The following DOK4 variants were observed in gnomAD, a reference collection of about 807,000 sequenced individuals.
DOK4 encodes downstream of tyrosine kinase 4.
In DOK4, 26 loss-of-function variants were observed where a neutral mutation model predicts 40.1. The ratio of observed to expected loss-of-function variants is 0.65; its 90% CI spans 0.48 to 0.90. The LOEUF (loss-of-function observed/expected upper bound fraction) is 0.90. DOK4 is among the 40% of genes least tolerant of loss of function. The pLI, the probability that DOK4 is intolerant of heterozygous loss-of-function variation, is 0.00. For missense variants in DOK4, 392 were observed against 437.2 expected (o/e 0.90, Z 0.92); for synonymous variants, 179 against 177.0 (o/e 1.01, Z -0.09).
chr16:57,472,222 C>CA (rs1567585504), exon 9 of DOK4: 1 of 152,362 alleles, frequency 6.6e-6, no homozygotes, highest in Non-Finnish European at 1.5e-5. Context: ...TGCCACAACT[C>CA]AAATAGTGGT....
chr16:57,484,377 C>CCCCCA (rs2031491720), intron 1 of DOK4: 1 of 152,494 alleles, frequency 6.6e-6, no homozygotes, highest in African/African-American at 2.4e-5. Context: ...TGCTGCTCTG[C>CCCCCA]CCCCACCCCA....
exon 3 of DOK4, chr16:57,475,884 T>A: frequency 1.9e-6 from 3 of 1,613,218 alleles, no homozygotes; most frequent in Non-Finnish European, 2.5e-6. Context: ...CGACTTCTCA[T>A]CTGGATACTT....
At chr16:57,478,366 C>T (rs2031276120) in intron 2 of DOK4, among the ~76,000 whole-genome samples, 1 of 59,670 alleles carries the variant, frequency 1.7e-5, no homozygotes, top group South Asian at 3.9e-4. Flanking sequence ...TCCGCATGCC[C>T]CCCAACCCCA....
Position 57,479,376 on chromosome 16 carries a change from G to C in DOK4, c.66+66C>G. On this transcript the variant is annotated intron_variant, in intron 2 of 8. Coordinates refer to ENST00000340099, the Ensembl canonical transcript of DOK4. This position sits in a 1 kb window ranked among gnomAD's most constrained non-coding sequence, Gnocchi z 5.8. Reference sequence around the variant, plus strand: ...CGTGCCCCACGCGCCATGCCTCCAAGCCTGGGACCGAGTCCTCGGGCCCCC... The same window carrying C: ...CGTGCCCCACGCGCCATGCCTCCAACCCTGGGACCGAGTCCTCGGGCCCCC... 6.3e-7 allele frequency: 1 copy of C among 1,582,276 alleles called. No individual in the cohort carries two copies. Among genetic ancestry groups the C allele is most frequent in the Non-Finnish European group, 8.6e-7 (1 of 1,157,702 alleles).
At chr16:57,476,692 T>C (rs923103206) in intron 2 of DOK4, among the ~76,000 whole-genome samples, 12 of 152,214 alleles carry the variant, frequency 7.9e-5, no homozygotes, top group Admixed American at 7.2e-4. Flanking sequence ...CCAAAGCTGT[T>C]TGAGGTAAAG....
Position 57,473,665 on chromosome 16 carries a change from G to C in DOK4, c.810C>G (p.Tyr270Ter). Residue 270 changes from tyrosine (Y) to a stop codon, truncating the protein, a stop_gained, in exon 8 of 9, where the codon TAC becomes TAG. Coordinates refer to ENST00000340099, the Ensembl canonical transcript of DOK4. LOFTEE classifies it high-confidence loss of function. Reference sequence around the variant, plus strand: ...TCTGGGAACCAGTGATGTGGTGCCAGTAGGCACTGCGCGGCAGCATGGTCG... The same window carrying C: ...TCTGGGAACCAGTGATGTGGTGCCACTAGGCACTGCGCGGCAGCATGGTCG... The C allele has an allele frequency of 1.9e-6, 3 of 1,614,260 alleles. No homozygotes were observed. The highest frequency in any genetic ancestry group is 2.5e-6 in the Non-Finnish European group (3 of 1,180,044).
At chr16:57,483,492 A>G (rs2031469054) in intron 1 of DOK4, among the ~76,000 whole-genome samples, 1 of 152,076 alleles carries the variant, frequency 6.6e-6, no homozygotes. Flanking sequence ...TAAGCTGGGC[A>G]TGTGGCACGT....
chr16:57,475,438 C>T (rs2031102476), intron 4 of DOK4, 68 bp downstream of exon 4: 26 of 1,475,796 alleles, frequency 1.8e-5, no homozygotes, highest in Non-Finnish European at 2.4e-5. Context: ...GCTCTGCCCG[C>T]TCCTAGCTGG....
rs773818065 is a variant in DOK4 at position 57,479,469 on chromosome 16, G to A, written c.39C>T (p.Tyr13=). Reference sequence around the variant, plus strand: ...CGAGCTTCCTGCTCTTCATCTTCACGTAGCCTTGCTTGACGATGTCACTGA... The same window carrying A: ...CGAGCTTCCTGCTCTTCATCTTCACATAGCCTTGCTTGACGATGTCACTGA... The change falls in exon 2 of 9, where the codon TAC becomes TAT. Residue 13 remains tyrosine (Y), a synonymous_variant. Coordinates refer to ENST00000340099, the Ensembl canonical transcript of DOK4. This position sits in a 1 kb window ranked among gnomAD's most constrained non-coding sequence, Gnocchi z 5.8. The A allele has an allele frequency of 1.1e-5, 18 of 1,613,722 alleles. No homozygotes were observed. Among genetic ancestry groups the A allele is most frequent in the African/African-American group, 8.0e-5 (6 of 75,038 alleles).
rs1267289025 is a variant in DOK4, at chr16:57,479,338, C to T, written c.66+104G>A. 24 of 1,314,252 alleles carry T rather than the reference C, an allele frequency of 1.8e-5. No individual in the cohort carries two copies. The East Asian group carries it at 2.9e-4, about 16-fold the overall frequency. 81.4% of individuals were successfully genotyped at this position (1,314,252 alleles called of 1,614,324 possible). ...CCACAGATGCACGATGCCCGGCAGC[C>T]GGAGGGCAGCCGCGTGCCCCACGCG... On this transcript the variant is annotated intron_variant, in intron 2 of 8. Transcript: ENST00000340099. This position sits in a 1 kb window ranked among gnomAD's most constrained non-coding sequence, Gnocchi z 5.8.
intron 6 of DOK4, among the ~76,000 whole-genome samples, chr16:57,474,414 C>T (rs1185580622): frequency 6.6e-6 from 1 of 151,892 alleles, no homozygotes; most frequent in Non-Finnish European, 1.5e-5. Flanking sequence ...TCAGTCTAGG[C>T]AGACTGACTC....
At chr16:57,484,862 G>T (rs1169069642) in intron 1 of DOK4, among the ~76,000 whole-genome samples, 1 of 152,194 alleles carries the variant, frequency 6.6e-6, no homozygotes, top group Non-Finnish European at 1.5e-5. Flanking sequence ...TCTTACATCT[G>T]TCCATTTGTT....
At position 57,479,289 on chromosome 16, in the gene DOK4, G is replaced by T. The variant is rs1245960130; in HGVS notation, c.66+153C>A. ...ACCCAGCCCAGGCACATGCCAGGCA[G>T]CACGCTGGCGAGGAGCCCCGAGACC... On this transcript the variant is annotated intron_variant, in intron 2 of 8. Transcript: ENST00000340099. The surrounding 1 kb of genome is among the most constrained non-coding windows in gnomAD (Gnocchi z 5.8). 6.6e-6 allele frequency among the ~76,000 whole-genome samples: 1 copy of T among 152,260 alleles called. No individual in the cohort carries two copies. The highest frequency in any genetic ancestry group is 1.5e-5 in the Non-Finnish European group (1 of 68,046).
rs201961137 is a variant in DOK4, at chr16:57,479,530, G to A, written c.-23C>T. On this transcript the variant is annotated 5_prime_UTR_variant, in exon 2 of 9. Transcript: ENST00000340099. The surrounding 1 kb of genome is among the most constrained non-coding windows in gnomAD (Gnocchi z 5.8). ...CATGGTTTTCCCACCTTTTAGGGGC[G>A]CGGGGCCTGGCAGAGGCGAGGGGAA... 12 of 1,612,610 alleles carry A rather than the reference G, an allele frequency of 7.4e-6. No individual in the cohort carries two copies. Among genetic ancestry groups the A allele is most frequent in the Middle Eastern group, 1.6e-4 (1 of 6,062 alleles).
chr16:57,483,208 C>T (rs77346568), intron 1 of DOK4, among the ~76,000 whole-genome samples: 2,445 of 152,282 alleles, frequency 0.016, 77 homozygotes, highest in African/African-American at 0.056. Context: ...ACAAATTTGA[C>T]AGGCAGTGGG....
intron 2 of DOK4, among the ~76,000 whole-genome samples, chr16:57,476,834 G>C (rs1175983901): frequency 6.6e-6 from 1 of 152,210 alleles, no homozygotes; most frequent in African/African-American, 2.4e-5. Flanking sequence ...CAAGGGGGTG[G>C]GGAGCAGAGG....
exon 7 of DOK4, chr16:57,474,036 C>T (rs1439071687): frequency 1.2e-6 from 2 of 1,613,936 alleles, no homozygotes; most frequent in Non-Finnish European, 8.5e-7. Context: ...CAGCATCACA[C>T]ATCCTGGGGA....
chr16:57,483,175 G>A (rs1041746842), intron 1 of DOK4, among the ~76,000 whole-genome samples: 4 of 152,206 alleles, frequency 2.6e-5, no homozygotes, highest in Non-Finnish European at 5.9e-5. Flanking sequence ...GGGAGGGAAA[G>A]GTCAGGGCCA....
chr16:57,475,455 G>T, intron 4 of DOK4, 51 bp downstream of exon 4: 1 of 1,532,676 alleles, frequency 6.5e-7, no homozygotes, highest in South Asian at 1.2e-5. Flanking sequence ...CTGGACCTCT[G>T]ACCAAGACCA....
Sources: gnomAD v4.1 joint callset for allele counts (sites outside exome capture counted in the v4.1 genomes callset) on GRCh38, gnomAD v4.1.1 for gene constraint, Gnocchi (gnomAD v3.1) non-coding constraint, MANE v1.5 for transcripts, NCBI Gene and HGNC (gene_info 2026-07-23, HGNC 2026-07-21) for gene names.